DCLK3: variants seen among roughly 807,000 people sequenced by gnomAD.
DCLK3 encodes the protein serine/threonine-protein kinase DCLK3.
Under a neutral mutation model 46.4 loss-of-function variants are expected in DCLK3, and 30 were observed. The observed-to-expected ratio is 0.65, with a 90% CI of 0.48 to 0.88. DCLK3 has a LOEUF of 0.88. DCLK3 is among the 40% of genes least tolerant of loss of function. The pLI is 0.00. For missense variants in DCLK3, 846 were observed against 907.1 expected (o/e 0.93, Z 0.87); for synonymous variants, 401 against 339.2 (o/e 1.18, Z -2.00).
intron 1 of DCLK3, among the ~76,000 whole-genome samples, chr3:36,751,425 G>T (rs974756831): frequency 1.3e-5 from 2 of 152,320 alleles, no homozygotes; most frequent in Non-Finnish European, 2.9e-5. Context: ...GCATAAGGTT[G>T]CCCACATATG....
At chr3:36,734,658 A>T (rs1250890845) in intron 2 of DCLK3, among the ~76,000 whole-genome samples, 1 of 152,120 alleles carries the variant, frequency 6.6e-6, no homozygotes, top group East Asian at 1.9e-4. Context: ...AAGCTCATGC[A>T]TTTAGGCTGA....
Position 36,738,601 on chromosome 3 carries a change from G to A in DCLK3, c.566C>T (p.Pro189Leu). The A allele has an allele frequency of 1.4e-6, 2 of 1,392,930 alleles. No homozygotes were observed. The highest frequency in any genetic ancestry group is 1.9e-6 in the Non-Finnish European group (2 of 1,069,282). The allele number at this position is 1,392,930 out of a possible 1,614,324, so 86.3% of individuals were successfully genotyped here. A position where few individuals can be genotyped will look rare whatever the true frequency, so the allele number is the denominator to read the frequency against. Residue 189 changes from proline to leucine, a missense_variant, in exon 2 of 5, where the codon CCC (proline) becomes CTC (leucine). This residue lies in a region of DCLK3 where 553 missense variants were observed against 543.0 expected (regional missense o/e 1.02). Transcript: ENST00000636136. ...CAGTGTCAGGGCCCGGGCTTTGTTG[G>A]GGTACAGTTCTTCTACAGCCACCTG... The part of the protein sequence containing the change: ...SIQVAVEELY[P>L]NKARALTLAQ...
intron 2 of DCLK3, among the ~76,000 whole-genome samples, chr3:36,726,581 G>C (rs758064895): frequency 1.3e-5 from 2 of 152,062 alleles, no homozygotes; most frequent in Non-Finnish European, 2.9e-5. Flanking sequence ...TGGCAGGGTG[G>C]AGCGGCCTTT....
intron 1 of DCLK3, among the ~76,000 whole-genome samples, chr3:36,751,633 C>A (rs1049694102): frequency 1.6e-4 from 24 of 152,196 alleles, no homozygotes; most frequent in Non-Finnish European, 3.4e-4. Context: ...TAAGGATAAA[C>A]CTTAGCAGCT....
chr3:36,743,508 T>C (rs554122839), intron 1 of DCLK3, among the ~76,000 whole-genome samples: 2 of 152,272 alleles, frequency 1.3e-5, no homozygotes, highest in South Asian at 4.1e-4. Flanking sequence ...AAGGCAACCA[T>C]GTCCCAGGAA....
intron 1 of DCLK3, among the ~76,000 whole-genome samples, chr3:36,749,228 C>T (rs772330725): frequency 6.6e-6 from 1 of 152,228 alleles, no homozygotes; most frequent in Non-Finnish European, 1.5e-5. Context: ...GTGCTATATA[C>T]AGGGCGGCTC....
intron 2 of DCLK3, among the ~76,000 whole-genome samples, chr3:36,726,267 G>T (rs1001662313): frequency 6.6e-6 from 1 of 151,906 alleles, no homozygotes; most frequent in Non-Finnish European, 1.5e-5. Context: ...ACCCACACAC[G>T]TAAGGCCCTG....
At chr3:36,750,239 C>T (rs1032009990) in intron 1 of DCLK3, among the ~76,000 whole-genome samples, 1 of 152,050 alleles carries the variant, frequency 6.6e-6, no homozygotes, top group Non-Finnish European at 1.5e-5. Context: ...TACTACCACG[C>T]CCAGTTAATT....
intron 1 of DCLK3, among the ~76,000 whole-genome samples, chr3:36,750,854 T>A (rs1701434197): frequency 2.0e-5 from 3 of 152,044 alleles, no homozygotes; most frequent in Admixed American, 1.3e-4. Context: ...ACATGGAATG[T>A]TAAACTCATG....
chr3:36,724,743 T>C (rs1701104942), intron 2 of DCLK3, among the ~76,000 whole-genome samples: 1 of 152,172 alleles, frequency 6.6e-6, no homozygotes, highest in African/African-American at 2.4e-5. Context: ...ATAAGTCTAT[T>C]AAACCTCTTT....
At chr3:36,719,144 CAT>C (rs1327086068) in intron 3 of DCLK3, among the ~76,000 whole-genome samples, 2 of 152,122 alleles carry the variant, frequency 1.3e-5, no homozygotes, top group East Asian at 1.9e-4. Context: ...TATTTGTGCA[CAT>C]GTCTGATTAT....
At chr3:36,752,583 C>T (rs755113113) in intron 1 of DCLK3, among the ~76,000 whole-genome samples, 5 of 152,180 alleles carry the variant, frequency 3.3e-5, no homozygotes, top group Non-Finnish European at 7.3e-5. Flanking sequence ...TATAATTACC[C>T]AGAGGTGGCT....
At chr3:36,720,204 T>C (rs546045919) in intron 3 of DCLK3, among the ~76,000 whole-genome samples, 3 of 152,246 alleles carry the variant, frequency 2.0e-5, no homozygotes, top group East Asian at 1.9e-4. Flanking sequence ...TCCCTCTCTC[T>C]CTCTTGCTCC....
chr3:36,719,039 G>T (rs899082237), intron 3 of DCLK3, among the ~76,000 whole-genome samples: 1 of 152,012 alleles, frequency 6.6e-6, no homozygotes, highest in Non-Finnish European at 1.5e-5. Flanking sequence ...ATAACTATTA[G>T]TATCCCCTTT....
chr3:36,749,906 G>A (rs1035899684), intron 1 of DCLK3, among the ~76,000 whole-genome samples: 2 of 152,190 alleles, frequency 1.3e-5, no homozygotes, highest in African/African-American at 4.8e-5. Context: ...CACTGGAGCT[G>A]TTTATGTAAA....
At position 36,738,252 on chromosome 3, in the gene DCLK3, A is replaced by C. The variant is rs1342779491; in HGVS notation, c.915T>G (p.Ile305Met). The C allele has an allele frequency of 1.3e-6, 2 of 1,566,204 alleles. No individual in the cohort carries two copies. The highest frequency in any genetic ancestry group is 2.3e-5 in the East Asian group (1 of 44,220). Reference protein sequence around the residue: ...GVEIEKTSGEIIRCEKCKRER... With the variant: ...GVEIEKTSGEMIRCEKCKRER... ...CTCTCTTGCACTTCTCGCATCTGAT[A>C]ATTTCACCCGAGGTCTTTTCAATCT... Residue 305 changes from isoleucine to methionine, a missense_variant, in exon 2 of 5, where the codon ATT becomes ATG. Physicochemically the swap from Ile to Met is conservative, Grantham distance 10. Transcript: ENST00000636136.
intron 2 of DCLK3, among the ~76,000 whole-genome samples, chr3:36,732,768 C>A (rs1701213933): frequency 6.6e-6 from 1 of 152,114 alleles, no homozygotes; most frequent in South Asian, 2.1e-4. Context: ...ATACCTCTGT[C>A]TTGGAAGCTA....
rs891602645 is a variant in DCLK3 at position 36,754,939 on chromosome 3, A to G, written c.82+9243T>C. On this transcript the variant is annotated intron_variant, in intron 1 of 4. Transcript: ENST00000636136. ...AGTCAGCTATAAGGCAAAAAAAATC[A>G]TTAATTACATATATTAACTATCTAT... 4.7e-4 allele frequency among the ~76,000 whole-genome samples: 72 copies of G among 151,994 alleles called. 1 individual carries two copies. Among genetic ancestry groups the G allele is most frequent in the African/African-American group, 1.6e-3 (67 of 41,402 alleles).
intron 2 of DCLK3, among the ~76,000 whole-genome samples, chr3:36,730,996 T>C (rs1219509674): frequency 1.3e-5 from 2 of 151,908 alleles, no homozygotes; most frequent in African/African-American, 2.4e-5. Context: ...GAGAGGAAGA[T>C]GGAGTCCACA....
Sources: gnomAD v4.1 joint callset for allele counts (sites outside exome capture counted in the v4.1 genomes callset) on GRCh38, gnomAD v4.1.1 for gene constraint, gnomAD v4.1.1 regional missense constraint, MANE v1.5 for transcripts, NCBI Gene and HGNC (gene_info 2026-07-23, HGNC 2026-07-21) for gene names.